DCDC2: variants seen among roughly 807,000 people sequenced by gnomAD.
DCDC2 encodes doublecortin domain-containing protein 2.
A neutral mutation model predicts 50.2 loss-of-function variants in DCDC2; 40 were observed. That is an observed-to-expected ratio of 0.80 (90% confidence interval 0.62 to 1.04). The LOEUF (loss-of-function observed/expected upper bound fraction) is 1.04, where lower values mean the gene tolerates loss of function less well. Ranked by LOEUF, DCDC2 falls within the 50% of genes least tolerant of loss-of-function variation. The pLI is 0.00. For missense variants in DCDC2, 570 were observed against 581.9 expected, an observed-to-expected ratio of 0.98 and a Z score of 0.21; for synonymous variants, 234 against 210.6, an observed-to-expected ratio of 1.11 and a Z score of -0.96.
chr6:24,267,481 T>C (rs905126499), intron 7 of DCDC2, among the ~76,000 whole-genome samples: 7 of 152,190 alleles, frequency 4.6e-5, no homozygotes, highest in African/African-American at 1.7e-4. Context: ...AAATTCTATG[T>C]CCATCCAAAC....
chr6:24,378,560 G>A, the DCDC2 span, among the ~76,000 whole-genome samples: 14 of 152,188 alleles, frequency 9.2e-5, no homozygotes, highest in East Asian at 2.7e-3. Context: ...TGCACTCGGT[G>A]GGATGTTGCC....
chr6:24,256,279 T>G (rs1015057129), intron 7 of DCDC2, among the ~76,000 whole-genome samples: 2 of 151,786 alleles, frequency 1.3e-5, no homozygotes, highest in Non-Finnish European at 2.9e-5. Flanking sequence ...TGGACATTTT[T>G]TTTTTTTTTT....
intron 7 of DCDC2, among the ~76,000 whole-genome samples, chr6:24,276,025 G>A (rs807698): frequency 0.59 from 89,781 of 151,538 alleles, 28,092 homozygotes; most frequent in East Asian, 0.78. Flanking sequence ...GCATGCCACT[G>A]TGCCCCACTA....
At chr6:24,358,512 T>TAAAAAAAAAA (rs966038766), upstream of DCDC2, among the ~76,000 whole-genome samples, 2 of 75,906 alleles carry the variant, frequency 2.6e-5, no homozygotes, top group African/African-American at 1.2e-4. Context: ...TCTCTACAAT[T>TAAAAAAAAAA]AAAAAAAAAA....
rs137996596 is a variant in DCDC2 at position 24,274,009 on chromosome 6, G to GT, written c.922+4039dup. 6.4e-3 allele frequency among the ~76,000 whole-genome samples: 978 copies of GT among 152,330 alleles called. 7 individuals are homozygous for GT. Among genetic ancestry groups the GT allele is most frequent in the African/African-American group, 0.022 (906 of 41,586 alleles). Reference sequence around the variant, plus strand: ...CATCAAGAAGAATACTGGCCCATGTGTGGGCACACAGGCGTGCCCACTCAC... The same window carrying GT: ...CATCAAGAAGAATACTGGCCCATGTGTTGGGCACACAGGCGTGCCCACTCAC... On this transcript the variant is annotated intron_variant, in intron 7 of 9. Coordinates refer to ENST00000378454, the MANE Select transcript of DCDC2 (RefSeq NM_016356.5).
rs757128545 is a variant in DCDC2 at position 24,278,226 on chromosome 6, A to T, written c.760-15T>A. 5.0e-6 allele frequency: 8 copies of T among 1,586,150 alleles called. No individual in the cohort carries two copies. Among genetic ancestry groups the T allele is most frequent in the Non-Finnish European group, 5.1e-6 (6 of 1,168,816 alleles). On this transcript the variant is annotated splice_polypyrimidine_tract_variant and intron_variant, in intron 6 of 9. Coordinates refer to ENST00000378454, the MANE Select transcript of DCDC2 (RefSeq NM_016356.5). ...CGATCATTTCCCTAAATGGCAAAGT[A>T]TTAGACCCTTATTATTAGCTAATGA...
intron 7 of DCDC2, among the ~76,000 whole-genome samples, chr6:24,271,524 C>A (rs1176872810): frequency 1.3e-5 from 2 of 152,170 alleles, no homozygotes; most frequent in African/African-American, 4.8e-5. Context: ...CCGAGTAACT[C>A]CAGGTCTGGC....
At chr6:24,373,180 G>T in the DCDC2 span, among the ~76,000 whole-genome samples, 1 of 152,182 alleles carries the variant, frequency 6.6e-6, no homozygotes, top group Non-Finnish European at 1.5e-5. Flanking sequence ...AAATTATTTG[G>T]CATGTCCTAT....
intron 2 of DCDC2, among the ~76,000 whole-genome samples, chr6:24,317,714 A>G (rs1759697237): frequency 6.6e-6 from 1 of 152,028 alleles, no homozygotes; most frequent in Non-Finnish European, 1.5e-5. Context: ...AAGACAATTG[A>G]CAAACTAGAA....
At chr6:24,315,349 G>T (rs991226162) in intron 2 of DCDC2, among the ~76,000 whole-genome samples, 1 of 152,102 alleles carries the variant, frequency 6.6e-6, no homozygotes, top group Non-Finnish European at 1.5e-5. Context: ...ATGCAGAGAA[G>T]AAAGCCTTCC....
intron 4 of DCDC2, among the ~76,000 whole-genome samples, chr6:24,301,052 T>A (rs374945859): frequency 2.1e-4 from 31 of 147,484 alleles, no homozygotes; most frequent in African/African-American, 4.7e-4. Context: ...ATGACCCCTT[T>A]AAAAAAAAAA....
the DCDC2 span, among the ~76,000 whole-genome samples, chr6:24,371,575 C>T: frequency 3.3e-5 from 5 of 152,126 alleles, no homozygotes; most frequent in East Asian, 3.9e-4. Context: ...TACTGCACTC[C>T]GGCCTGGGTG....
In DCDC2 at chr6:24,335,061, C is replaced by T. The variant is rs984371160; in HGVS notation, c.348+18508G>A. Among the ~76,000 whole-genome samples, 20 of 152,202 alleles carry T rather than the reference C, an allele frequency of 1.3e-4. 1 individual carries two copies. The highest frequency in any genetic ancestry group is 4.6e-4 in the African/African-American group (19 of 41,538). On this transcript the variant is annotated intron_variant, in intron 2 of 9. Coordinates refer to ENST00000378454, the MANE Select transcript of DCDC2 (RefSeq NM_016356.5). ...ACAACCCTCTACTTGATTTGTGTAA[C>T]AAAAAATAGCTAGATCATGTAAACT...
chr6:24,363,569 G>A, the DCDC2 span, among the ~76,000 whole-genome samples: 4 of 152,180 alleles, frequency 2.6e-5, no homozygotes, highest in African/African-American at 7.2e-5. Context: ...CTAGATCTCT[G>A]AAATGCTTTC....
intron 7 of DCDC2, among the ~76,000 whole-genome samples, chr6:24,251,492 T>G (rs1381811933): frequency 6.6e-6 from 1 of 152,158 alleles, no homozygotes; most frequent in Admixed American, 6.5e-5. Flanking sequence ...TTCTGCTATC[T>G]CAGAGAGAAC....
chr6:24,217,160 G>C (rs1378160049), intron 7 of DCDC2, among the ~76,000 whole-genome samples: 1 of 151,800 alleles, frequency 6.6e-6, no homozygotes, highest in African/African-American at 2.4e-5. Context: ...TAGCCAAAGA[G>C]AAATCAGGAT....
At chr6:24,255,103 G>A (rs1344841325) in intron 7 of DCDC2, among the ~76,000 whole-genome samples, 1 of 152,052 alleles carries the variant, frequency 6.6e-6, no homozygotes, top group Non-Finnish European at 1.5e-5. Flanking sequence ...AGGCAGTGCA[G>A]TACAAAGATA....
chr6:24,277,242 G>A (rs1427983323), intron 7 of DCDC2, among the ~76,000 whole-genome samples: 1 of 141,922 alleles, frequency 7.0e-6, no homozygotes, highest in African/African-American at 2.5e-5. Context: ...CCTCTTCCTG[G>A]AACCCCTCAC....
intron 7 of DCDC2, among the ~76,000 whole-genome samples, chr6:24,210,890 AC>A (rs1291759433): frequency 6.6e-6 from 1 of 152,042 alleles, no homozygotes; most frequent in Non-Finnish European, 1.5e-5. Flanking sequence ...CTCAAGCTCC[AC>A]TGACCTTCAT....
Sources: gnomAD v4.1 joint callset for allele counts (sites outside exome capture counted in the v4.1 genomes callset) on GRCh38, gnomAD v4.1.1 for gene constraint, MANE v1.5 for transcripts, NCBI Gene and HGNC (gene_info 2026-07-23, HGNC 2026-07-21) for gene names.